The following ZNF469 variants were observed in gnomAD, a reference collection of about 807,000 sequenced individuals.
ZNF469 encodes the protein zinc finger protein 469.
In ZNF469, 1 loss-of-function variant was observed where a neutral mutation model predicts 1.0. The observed-to-expected ratio is 1.00, with a 90% confidence interval of 0.35 to 4.73. The LOEUF (loss-of-function observed/expected upper bound fraction) is 4.73. Ranked by LOEUF, ZNF469 falls within the 30% of genes most tolerant of loss-of-function variation. The pLI is 0.16. For synonymous variants in ZNF469, 2,703 were observed against 2,363.4 expected, an observed-to-expected ratio of 1.14 and a Z score of -4.17; for missense variants, 6,100 against 5,356.3, an observed-to-expected ratio of 1.14 and a Z score of -4.33.
chr16:88,334,817 G>A, the ZNF469 span, among the ~76,000 whole-genome samples: 302 of 152,070 alleles, frequency 2.0e-3, 4 homozygotes, highest in African/African-American at 6.8e-3. Flanking sequence ...TGAGGGAGCC[G>A]TGTGGGAAGA....
chr16:88,256,890 CTTTCCTT>C, the ZNF469 span, among the ~76,000 whole-genome samples: 3 of 52,078 alleles, frequency 5.8e-5, no homozygotes, highest in Admixed American at 2.3e-4. Flanking sequence ...CTTTTCTTTT[CTTTCCTT>C]CTTTCTTTCT....
At chr16:88,206,133 C>G in the ZNF469 span, among the ~76,000 whole-genome samples, 1 of 152,204 alleles carries the variant, frequency 6.6e-6, no homozygotes, top group Non-Finnish European at 1.5e-5. Flanking sequence ...TGGGCAGAGG[C>G]TTTAGGAAAA....
At chr16:88,419,501 C>T (rs983802553) in intron 1 of ZNF469, among the ~76,000 whole-genome samples, 4 of 152,166 alleles carry the variant, frequency 2.6e-5, no homozygotes, top group African/African-American at 4.8e-5. Context: ...CTTCCCAGCC[C>T]GGTCCCACCC....
chr16:88,335,084 C>G, the ZNF469 span, among the ~76,000 whole-genome samples: 301 of 152,328 alleles, frequency 2.0e-3, 4 homozygotes, highest in African/African-American at 6.8e-3. Context: ...CCACCAGAGC[C>G]TTTGGAGGGA....
the ZNF469 span, among the ~76,000 whole-genome samples, chr16:88,352,055 C>A: frequency 2.6e-5 from 4 of 152,126 alleles, no homozygotes; most frequent in African/African-American, 4.8e-5. Context: ...GGTGGGATTC[C>A]GTTTCTAGGG....
chr16:88,364,489 C>CAAAAAA, the ZNF469 span, among the ~76,000 whole-genome samples: 1 of 56,140 alleles, frequency 1.8e-5, no homozygotes, highest in Non-Finnish European at 3.7e-5. Context: ...TGTTGATTTC[C>CAAAAAA]AAAAAAAAAA....
At chr16:88,310,656 C>T in the ZNF469 span, among the ~76,000 whole-genome samples, 1 of 151,954 alleles carries the variant, frequency 6.6e-6, no homozygotes, top group South Asian at 2.1e-4. Context: ...GATCTCGGCT[C>T]ACTGCAACCT....
chr16:88,354,604 G>A, the ZNF469 span, among the ~76,000 whole-genome samples: 8 of 132,222 alleles, frequency 6.1e-5, no homozygotes, highest in African/African-American at 2.3e-4. Context: ...AAGAGGGTGC[G>A]TGCGAAGGCG....
the ZNF469 span, among the ~76,000 whole-genome samples, chr16:88,235,082 TGGCTTGGGAAGGCCC>T: frequency 4.6e-5 from 7 of 152,148 alleles, no homozygotes; most frequent in African/African-American, 1.7e-4. Flanking sequence ...GTGTGGGATC[TGGCTTGGGAAGGCCC>T]GGCGCTGGGG....
intron 1 of ZNF469, among the ~76,000 whole-genome samples, chr16:88,392,887 C>T (rs1904528829): frequency 1.3e-5 from 2 of 152,244 alleles, no homozygotes; most frequent in Non-Finnish European, 2.9e-5. Flanking sequence ...CCTTGTAGAT[C>T]TGTGGTTTGC....
the ZNF469 span, among the ~76,000 whole-genome samples, chr16:88,244,143 G>A: frequency 1.8e-3 from 277 of 150,176 alleles, 4 homozygotes; most frequent in African/African-American, 6.3e-3. Flanking sequence ...ATGGGTGCAT[G>A]GGTGGATGGG....
chr16:88,334,955 A>G, the ZNF469 span, among the ~76,000 whole-genome samples: 1 of 151,170 alleles, frequency 6.6e-6, no homozygotes, highest in African/African-American at 2.4e-5. Context: ...GGAAGGACAC[A>G]TGTGTGATGG....
chr16:88,185,910 A>G, the ZNF469 span, among the ~76,000 whole-genome samples: 2 of 151,672 alleles, frequency 1.3e-5, no homozygotes, highest in Non-Finnish European at 2.9e-5. Context: ...ACCCACAGAC[A>G]CACACATTCA....
the ZNF469 span, among the ~76,000 whole-genome samples, chr16:88,242,883 T>C: frequency 6.6e-6 from 1 of 152,208 alleles, no homozygotes; most frequent in Admixed American, 6.5e-5. Flanking sequence ...TGCCAGGGCT[T>C]CGGAAGGAGC....
the ZNF469 span, among the ~76,000 whole-genome samples, chr16:88,214,459 T>G: frequency 5.0e-5 from 7 of 138,638 alleles, no homozygotes; most frequent in Non-Finnish European, 7.9e-5. Context: ...ACCTCTCCTT[T>G]TAGTTCTTTT....
the ZNF469 span, among the ~76,000 whole-genome samples, chr16:88,247,055 G>A: frequency 6.7e-5 from 10 of 149,384 alleles, no homozygotes; most frequent in South Asian, 2.1e-4. Context: ...GAATGAGTGA[G>A]TGATTGAGTG....
At chr16:88,333,706 T>TCCA in the ZNF469 span, among the ~76,000 whole-genome samples, 10,776 of 152,282 alleles carry the variant, frequency 0.071, 451 homozygotes, top group East Asian at 0.15. Context: ...GGAAGGCATT[T>TCCA]TCATTCTTCC....
the ZNF469 span, among the ~76,000 whole-genome samples, chr16:88,149,223 T>A: frequency 6.6e-6 from 1 of 152,204 alleles, no homozygotes; most frequent in Admixed American, 6.5e-5. Context: ...GGCCCGCTTC[T>A]TTGTGCTCTT....
chr16:88,291,232 C>T, the ZNF469 span, among the ~76,000 whole-genome samples: 1 of 152,218 alleles, frequency 6.6e-6, no homozygotes, highest in Admixed American at 6.5e-5. Flanking sequence ...AAACCATGAG[C>T]TTCCTGTTCA....
Sources: gnomAD v4.1 joint callset for allele counts (sites outside exome capture counted in the v4.1 genomes callset) on GRCh38, gnomAD v4.1.1 for gene constraint, MANE v1.5 for transcripts, NCBI Gene and HGNC (gene_info 2026-07-23, HGNC 2026-07-21) for gene names.